BICRA: variants seen among roughly 807,000 people sequenced by gnomAD.
The protein encoded by BICRA is BRD4-interacting chromatin-remodeling complex-associated protein.
A neutral mutation model predicts 96.9 loss-of-function variants in BICRA; 31 were observed. The ratio of observed to expected loss-of-function variants is 0.32; its 90% CI spans 0.24 to 0.43. The LOEUF (loss-of-function observed/expected upper bound fraction) is 0.43. BICRA is among the 20% of genes least tolerant of loss of function. The probability of loss-of-function intolerance (pLI) is 1.00; values close to 1 mark genes in which losing one functional copy is unlikely to be tolerated. For synonymous variants in BICRA, 1,350 were observed against 1,071.8 expected, an observed-to-expected ratio of 1.26 and a Z score of -5.07; for missense variants, 2,283 against 2,190.3, an observed-to-expected ratio of 1.04 and a Z score of -0.84.
chr19:47,664,661 C>T (rs181257384), intron 1 of BICRA, among the ~76,000 whole-genome samples: 28 of 152,326 alleles, frequency 1.8e-4, no homozygotes, highest in Admixed American at 3.3e-4. Flanking sequence ...TCAGGGTGTG[C>T]CAGGCAGCTT....
chr19:47,680,202 G>A lies in BICRA; in HGVS notation c.1032G>A (p.Leu344=). ...TGGTCCCGGCGCCCAACGTGATCCTGCATCGCACACCCACGCCCATCCAGC... is the reference window on the plus strand; with the variant it reads ...TGGTCCCGGCGCCCAACGTGATCCTACATCGCACACCCACGCCCATCCAGC... ...SPLVPAPNVI[L]HRTPTPIQPK... is the part of the protein sequence containing the mutation. The change falls in exon 6 of 15, where the codon CTG becomes CTA. Residue 344 remains leucine (L), a synonymous_variant. Coordinates refer to ENST00000594866, the MANE Select transcript of BICRA (RefSeq NM_001394372.1). 1 of 1,552,480 alleles carries A rather than the reference G, an allele frequency of 6.4e-7. No homozygotes were observed. The highest frequency in any genetic ancestry group is 1.4e-5 in the African/African-American group (1 of 72,930).
At chr19:47,648,201 G>A (rs1028971458) in intron 1 of BICRA, among the ~76,000 whole-genome samples, 7 of 151,472 alleles carry the variant, frequency 4.6e-5, no homozygotes, top group Non-Finnish European at 1.0e-4. Context: ...TAGATTGGGC[G>A]TCTCTGAGCC....
chr19:47,697,664 G>A (rs1973368545), intron 11 of BICRA, among the ~76,000 whole-genome samples: 1 of 152,150 alleles, frequency 6.6e-6, no homozygotes. Context: ...TTTTAGTAGA[G>A]ACGGGGTTTC....
intron 11 of BICRA, 81 bp downstream of exon 11, chr19:47,696,593 A>C: frequency 7.3e-7 from 1 of 1,361,186 alleles, no homozygotes. Flanking sequence ...CTCCAGAAGC[A>C]GAGTTGGGCA....
intron 7 of BICRA, among the ~76,000 whole-genome samples, chr19:47,684,187 C>T (rs536071898): frequency 6.6e-6 from 1 of 152,190 alleles, no homozygotes; most frequent in African/African-American, 2.4e-5. Flanking sequence ...ATTATTATTA[C>T]TATTATCTTG....
In BICRA at chr19:47,640,223, T is replaced by C. The variant is rs183316557; in HGVS notation, c.-107-30220T>C. ...TACCTGGCAGTTTTGGGAGTGGGGA[T>C]GTGACATGAACAAGTCAAAGATCCC... On this transcript the variant is annotated intron_variant, in intron 1 of 14. Coordinates refer to ENST00000594866, the MANE Select transcript of BICRA (RefSeq NM_001394372.1). 4.2e-3 allele frequency among the ~76,000 whole-genome samples: 637 copies of C among 152,316 alleles called. 3 individuals carry two copies. Among genetic ancestry groups the C allele is most frequent in the South Asian group, 0.012 (57 of 4,830 alleles).
At position 47,701,974 on chromosome 19, in the gene BICRA, G is replaced by A. The variant is rs1229186194; in HGVS notation, c.4242G>A (p.Pro1414=). 21 of 1,466,390 alleles carry A rather than the reference G, an allele frequency of 1.4e-5. No individual in the cohort carries two copies. Among genetic ancestry groups the A allele is most frequent in the East Asian group, 2.9e-5 (1 of 34,670 alleles). The allele number at this position is 1,466,390 out of a possible 1,614,324, so 90.8% of individuals were successfully genotyped here. ...CAGGCAGGGCACGGGGAGGCAGCCCGGCGCCGCTGCCCGCCAAAGTGGACG... is the reference window on the plus strand; with the variant it reads ...CAGGCAGGGCACGGGGAGGCAGCCCAGCGCCGCTGCCCGCCAAAGTGGACG... ...TPAGRARGGS[P]APLPAKVDEA... The change falls in exon 15 of 15, where the codon CCG becomes CCA. Residue 1414 remains proline (P), a synonymous_variant. Transcript: ENST00000594866. The surrounding 1 kb of genome is among the most constrained non-coding windows in gnomAD (Gnocchi z 5.4).
chr19:47,675,696 G>A lies in BICRA; in HGVS notation c.85-155G>A, dbSNP rs770286385. 3.9e-5 allele frequency among the ~76,000 whole-genome samples: 6 copies of A among 152,194 alleles called. No individual in the cohort carries two copies. Among genetic ancestry groups the A allele is most frequent in the South Asian group, 2.1e-4 (1 of 4,826 alleles). The stretch of plus-strand genomic sequence containing the variant: ...AGGCACCCAAGCCCCTGCCTTTGGG[G>A]CCTCTTTTCGGAGGCGAGAGTTTCC... On this transcript the variant is annotated intron_variant, in intron 4 of 14. Coordinates refer to ENST00000594866, the MANE Select transcript of BICRA (RefSeq NM_001394372.1). This position sits in a 1 kb window ranked among gnomAD's most constrained non-coding sequence, Gnocchi z 4.7.
chr19:47,659,343 CA>C (rs1349201199), intron 1 of BICRA, among the ~76,000 whole-genome samples: 1 of 152,178 alleles, frequency 6.6e-6, no homozygotes, highest in Non-Finnish European at 1.5e-5. Flanking sequence ...TCTTTCCCAA[CA>C]GGGGTGGAGG....
intron 1 of BICRA, among the ~76,000 whole-genome samples, chr19:47,625,922 G>A (rs866493242): frequency 6.6e-6 from 1 of 152,102 alleles, no homozygotes; most frequent in African/African-American, 2.4e-5. Context: ...TCGACATGGA[G>A]AGGCGCCTTT....
intron 1 of BICRA, among the ~76,000 whole-genome samples, chr19:47,635,152 T>C (rs1972281491): frequency 6.6e-6 from 1 of 152,172 alleles, no homozygotes; most frequent in Non-Finnish European, 1.5e-5. Context: ...TGGTACAATA[T>C]ACATAACATA....
chr19:47,681,972 G>A lies in BICRA; in HGVS notation c.2107-4G>A, dbSNP rs1308464358. On this transcript the variant is annotated splice_region_variant and splice_polypyrimidine_tract_variant and intron_variant, in intron 6 of 14. Transcript: ENST00000594866. ...TCTGATCCTGTGCGGGCTGCCCGTT[G>A]CAGGAGAGGAGCCAGCAGCCCCTCT... 1.3e-6 allele frequency: 2 copies of A among 1,554,292 alleles called. No individual in the cohort carries two copies. The highest frequency in any genetic ancestry group is 1.7e-6 in the Non-Finnish European group (2 of 1,154,824).
At chr19:47,618,088 C>T (rs1972011201) in intron 1 of BICRA, among the ~76,000 whole-genome samples, 1 of 152,196 alleles carries the variant, frequency 6.6e-6, no homozygotes, top group South Asian at 2.1e-4. Context: ...CCACACCAAG[C>T]CTCAAACCCT....
rs1338221192 is a variant in BICRA at position 47,698,030 on chromosome 19, C to T, written c.3249-604C>T. Among the ~76,000 whole-genome samples the T allele has an allele frequency of 6.6e-6, 1 of 152,198 alleles. No homozygotes were observed. The highest frequency in any genetic ancestry group is 2.4e-5 in the African/African-American group (1 of 41,446). ...TAGGAGTGTGAATTAAGTCCCCACT[C>T]AGTGCCCAGGCCTGAGCCCCATGTT... On this transcript the variant is annotated intron_variant, in intron 11 of 14. Transcript: ENST00000594866. The surrounding 1 kb of genome is among the most constrained non-coding windows in gnomAD (Gnocchi z 4.8).
chr19:47,645,315 GT>G (rs1310846480), intron 1 of BICRA, among the ~76,000 whole-genome samples: 1 of 152,094 alleles, frequency 6.6e-6, no homozygotes, highest in Admixed American at 6.6e-5. Flanking sequence ...TTTGTTGGAT[GT>G]TTCCTCTCAG....
intron 1 of BICRA, among the ~76,000 whole-genome samples, chr19:47,625,314 T>C (rs1283464675): frequency 2.0e-5 from 3 of 149,602 alleles, no homozygotes; most frequent in African/African-American, 7.4e-5. Flanking sequence ...TTTTTTTTTT[T>C]AAGAGACAGG....
At chr19:47,687,538 T>G (rs1426624806) in intron 7 of BICRA, among the ~76,000 whole-genome samples, 4 of 152,184 alleles carry the variant, frequency 2.6e-5, no homozygotes, top group African/African-American at 7.2e-5. Flanking sequence ...GGCTCACACC[T>G]GTAGTCTCAG....
intron 5 of BICRA, among the ~76,000 whole-genome samples, chr19:47,678,220 A>G (rs573706042): frequency 6.6e-5 from 10 of 152,296 alleles, no homozygotes; most frequent in African/African-American, 2.4e-4. Flanking sequence ...GGTTCAAGCC[A>G]TTCTCCTGCC....
Position 47,702,167 on chromosome 19 carries a change from T to G in BICRA, c.4435T>G (p.Ser1479Ala), listed in dbSNP as rs894778391. ...CCCTGCCAAGCGGCGCAAGTCCGAGTCGCCCGACGTGGACCAGGCCAGCTT... is the reference window on the plus strand; with the variant it reads ...CCCTGCCAAGCGGCGCAAGTCCGAGGCGCCCGACGTGGACCAGGCCAGCTT... ...LPPAKRRKSESPDVDQASFSS... is the reference protein window; with the variant it reads ...LPPAKRRKSEAPDVDQASFSS... Residue 1479 changes from serine (S) to alanine (A), a missense_variant, in exon 15 of 15, where the codon TCG becomes GCG. By Grantham distance (99) the Ser-to-Ala change is moderately conservative (BLOSUM62 1). Coordinates refer to ENST00000594866, the MANE Select transcript of BICRA (RefSeq NM_001394372.1). 1.3e-6 allele frequency: 2 copies of G among 1,570,754 alleles called. No individual in the cohort carries two copies. The highest frequency in any genetic ancestry group is 1.7e-6 in the Non-Finnish European group (2 of 1,165,970).
Sources: gnomAD v4.1 joint callset for allele counts (sites outside exome capture counted in the v4.1 genomes callset) on GRCh38, gnomAD v4.1.1 for gene constraint, Gnocchi (gnomAD v3.1) non-coding constraint, MANE v1.5 for transcripts, NCBI Gene and HGNC (gene_info 2026-07-23, HGNC 2026-07-21) for gene names.